ATOSA: variants seen among roughly 807,000 people sequenced by gnomAD.
ATOSA encodes atos homolog protein A.
chr15:52,612,447 C>A, the ATOSA span, among the ~76,000 whole-genome samples: 50 of 151,984 alleles, frequency 3.3e-4, no homozygotes, highest in African/African-American at 1.2e-3. Flanking sequence ...CTTCTTAAAT[C>A]CGAACACCAA....
At chr15:52,612,034 G>C in the ATOSA span, among the ~76,000 whole-genome samples, 1 of 152,132 alleles carries the variant, frequency 6.6e-6, no homozygotes. Flanking sequence ...GCCCAGGCTG[G>C]AGGGCAGTGG....
chr15:52,637,292 G>C, the ATOSA span, among the ~76,000 whole-genome samples: 2 of 152,028 alleles, frequency 1.3e-5, no homozygotes, highest in African/African-American at 4.8e-5. Context: ...AGTCAAGTTG[G>C]GGGGCAGGAG....
the ATOSA span, chr15:52,678,579 A>T: frequency 6.5e-6 from 1 of 154,134 alleles, no homozygotes; most frequent in Non-Finnish European, 1.4e-5. Flanking sequence ...CACCTGTGTA[A>T]TTACCCTCTG....
At chr15:52,600,234 G>A in the ATOSA span, 4 of 1,585,002 alleles carry the variant, frequency 2.5e-6, no homozygotes, top group Middle Eastern at 1.7e-4. Flanking sequence ...CATGGTCGAG[G>A]ACTATTAGAA....
At chr15:52,585,634 T>G in the ATOSA span, among the ~76,000 whole-genome samples, 1 of 152,188 alleles carries the variant, frequency 6.6e-6, no homozygotes, top group East Asian at 1.9e-4. Context: ...CCTTAAAAAA[T>G]TCTCAATATT....
At chr15:52,587,019 G>A in the ATOSA span, 3 of 1,540,694 alleles carry the variant, frequency 1.9e-6, no homozygotes, top group Non-Finnish European at 2.6e-6. Context: ...CAGAGCAGGG[G>A]AACTCCAAAC....
chr15:52,608,855 CTT>C, the ATOSA span: 1 of 1,609,208 alleles, frequency 6.2e-7, no homozygotes, highest in East Asian at 2.2e-5. Flanking sequence ...AACACAGTAA[CTT>C]TTATTTTTGA....
the ATOSA span, among the ~76,000 whole-genome samples, chr15:52,601,794 AC>A: frequency 6.6e-6 from 1 of 151,728 alleles, no homozygotes; most frequent in Non-Finnish European, 1.5e-5. Flanking sequence ...TACAAGTTAG[AC>A]AGTTTTGTTT....
chr15:52,649,914 G>A, the ATOSA span: 83,890 of 151,996 alleles, frequency 0.55, 27,152 homozygotes, highest in Non-Finnish European at 0.72. Context: ...CAAAGCCTCT[G>A]TGTGACACAG....
chr15:52,665,402 T>A, the ATOSA span, among the ~76,000 whole-genome samples: 1 of 152,240 alleles, frequency 6.6e-6, no homozygotes, highest in Non-Finnish European at 1.5e-5. Flanking sequence ...TAATTAGTCA[T>A]TTTCTTTCAA....
chr15:52,612,794 C>A, the ATOSA span, among the ~76,000 whole-genome samples: 1 of 151,968 alleles, frequency 6.6e-6, no homozygotes, highest in South Asian at 2.1e-4. Flanking sequence ...TGAACCACTG[C>A]GCCCAGCCTC....
chr15:52,639,521 C>T, the ATOSA span, among the ~76,000 whole-genome samples: 8 of 152,082 alleles, frequency 5.3e-5, no homozygotes, highest in Non-Finnish European at 8.8e-5. Flanking sequence ...TCTATAAATA[C>T]AACAGTCTGG....
the ATOSA span, among the ~76,000 whole-genome samples, chr15:52,614,341 G>A: frequency 5.3e-5 from 8 of 151,146 alleles, no homozygotes; most frequent in South Asian, 2.1e-4. Flanking sequence ...CCTGACCTCC[G>A]GTGATCCACC....
the ATOSA span, among the ~76,000 whole-genome samples, chr15:52,683,705 C>T: frequency 6.6e-6 from 1 of 152,122 alleles, no homozygotes; most frequent in Non-Finnish European, 1.5e-5. Context: ...AATAATTTGC[C>T]CAAGTTTAAG....
chr15:52,664,620 CACA>C, the ATOSA span, among the ~76,000 whole-genome samples: 2 of 152,158 alleles, frequency 1.3e-5, no homozygotes, highest in African/African-American at 2.4e-5. Context: ...CTAATTGCCA[CACA>C]ACAATTCCTG....
the ATOSA span, among the ~76,000 whole-genome samples, chr15:52,689,874 A>G: frequency 2.0e-5 from 3 of 152,256 alleles, no homozygotes; most frequent in Admixed American, 2.0e-4. Context: ...CAATGGAGAA[A>G]GGAACAACAG....
the ATOSA span, chr15:52,611,115 T>G: frequency 7.5e-6 from 12 of 1,589,864 alleles, no homozygotes; most frequent in Non-Finnish European, 1.0e-5. Flanking sequence ...CCTTTTTTTT[T>G]GGCCCTAGAC....
the ATOSA span, among the ~76,000 whole-genome samples, chr15:52,684,760 A>G: frequency 1.3e-5 from 2 of 152,138 alleles, no homozygotes; most frequent in East Asian, 3.9e-4. Flanking sequence ...TTAAAGAGAC[A>G]GAGTCTTGTT....
the ATOSA span, chr15:52,605,137 C>A: frequency 6.2e-7 from 1 of 1,603,876 alleles, no homozygotes; most frequent in Non-Finnish European, 8.5e-7. Flanking sequence ...GCTTACAGGG[C>A]TTGAAAGAAG....
Sources: allele counts gnomAD v4.1 joint callset (sites outside exome capture counted in the v4.1 genomes callset), GRCh38; gene constraint gnomAD v4.1.1; transcripts MANE v1.5; gene names NCBI Gene and HGNC (gene_info 2026-07-23, HGNC 2026-07-21).